The following CYP4A11 variants were observed in gnomAD, a reference collection of about 807,000 sequenced individuals.
CYP4A11 encodes cytochrome P450 4A11.
CYP4A11 carries 52 observed loss-of-function variants against 57.7 expected under a neutral mutation model. The observed-to-expected ratio is 0.90, with a 90% CI of 0.72 to 1.14. The LOEUF (loss-of-function observed/expected upper bound fraction) is 1.14. Among genes scored for constraint, CYP4A11 ranks in the 50% most tolerant of loss-of-function variants. The pLI is 0.00. For missense variants in CYP4A11, 641 were observed against 642.1 expected (o/e 1.00, Z 0.02); for synonymous variants, 228 against 247.1 (o/e 0.92, Z 0.72).
Position 46,936,714 on chromosome 1 carries a change from T to C in CYP4A11, c.460A>G (p.Ile154Val). 1 of 1,613,868 alleles carries C rather than the reference T, an allele frequency of 6.2e-7. No homozygotes were observed. Among genetic ancestry groups the C allele is most frequent in the South Asian group, 1.1e-5 (1 of 91,030 alleles). Residue 154 changes from isoleucine to valine, a missense_variant, in exon 4 of 12, where the codon ATC (isoleucine) becomes GTC (valine). By Grantham distance (29) the Ile-to-Val change is conservative. Coordinates refer to ENST00000310638, the MANE Select transcript of CYP4A11 (RefSeq NM_000778.4). Reference sequence around the variant, plus strand: ...ATGAGCCCCACATAGGGCTTCAGGATGTCATAGTGGAAGGCTGGGGTCAGC... The same window carrying C: ...ATGAGCCCCACATAGGGCTTCAGGACGTCATAGTGGAAGGCTGGGGTCAGC... The part of the protein sequence containing the change: ...RMLTPAFHYD[I>V]LKPYVGLMAD...
intron 6 of CYP4A11, 56 bp from the exon 7 acceptor site, chr1:46,934,615 G>A: frequency 6.5e-7 from 1 of 1,532,738 alleles, no homozygotes; most frequent in Non-Finnish European, 8.9e-7. Flanking sequence ...GCCCCCAGGA[G>A]GCCTAGCTGC....
chr1:46,932,918 T>C, intron 10 of CYP4A11, 65 bp downstream of exon 10: 1 of 1,613,686 alleles, frequency 6.2e-7, no homozygotes, highest in South Asian at 1.1e-5. Context: ...CTCCCAGAGG[T>C]GGAAGCAGGA....
intron 11 of CYP4A11, chr1:46,931,457 A>G: frequency 1.2e-6 from 1 of 818,406 alleles, no homozygotes; most frequent in African/African-American, 1.9e-5. Flanking sequence ...TGTACTTTTT[A>G]TCTCTGTTTT....
chr1:46,939,434 T>C (rs1263749752), intron 1 of CYP4A11, among the ~76,000 whole-genome samples: 4 of 152,148 alleles, frequency 2.6e-5, no homozygotes, highest in Non-Finnish European at 5.9e-5. Context: ...TGATATGGAA[T>C]GAAGGACAAG....
At chr1:46,936,941 G>T (rs1193861442) in intron 3 of CYP4A11, 150 bp from the exon 4 acceptor site, 3 of 1,403,270 alleles carry the variant, frequency 2.1e-6, no homozygotes, top group African/African-American at 2.9e-5. Context: ...CCACGTCATG[G>T]GCAAATGCAG....
At chr1:46,941,186 T>C in intron 1 of CYP4A11, 53 bp downstream of exon 1, 1 of 1,569,176 alleles carries the variant, frequency 6.4e-7, no homozygotes, top group Non-Finnish European at 8.6e-7. Flanking sequence ...GACCAGGGTC[T>C]CAGAGCCCCA....
intron 1 of CYP4A11, among the ~76,000 whole-genome samples, chr1:46,938,599 C>G (rs1475100242): frequency 2.6e-5 from 4 of 152,104 alleles, no homozygotes; most frequent in African/African-American, 4.8e-5. Context: ...GATAAAATAG[C>G]ATTTGGGATG....
chr1:46,930,706 G>A (rs567707563), intron 11 of CYP4A11, among the ~76,000 whole-genome samples: 2 of 152,338 alleles, frequency 1.3e-5, no homozygotes, highest in East Asian at 1.9e-4. Flanking sequence ...CCTGTAGGGT[G>A]AGGGTGGGCC....
Position 46,938,026 on chromosome 1 carries a change from C to T in CYP4A11, c.307G>A (p.Asp103Asn). ...CTCCCCAGAATCACCTTCATATAGT[C>T]AGGGTCATAGAGCTGGACACGAACT... ...GKVRVQLYDP[D>N]YMKVILGRSD... The change falls in exon 2 of 12, where the codon GAC (aspartate) becomes AAC (asparagine). Residue 103 changes from aspartate to asparagine, a missense_variant. Transcript: ENST00000310638. 1 of 1,614,166 alleles carries T rather than the reference C, an allele frequency of 6.2e-7. No individual in the cohort carries two copies. Among genetic ancestry groups the T allele is most frequent in the Non-Finnish European group, 8.5e-7 (1 of 1,180,028 alleles).
intron 1 of CYP4A11, among the ~76,000 whole-genome samples, chr1:46,939,007 TACCTTG>T (rs1271646614): frequency 6.6e-6 from 1 of 152,094 alleles, no homozygotes; most frequent in Non-Finnish European, 1.5e-5. Flanking sequence ...CTCTTTTCTC[TACCTTG>T]AATGCCCTTC....
chr1:46,931,231 C>T (rs9333025), intron 11 of CYP4A11, among the ~76,000 whole-genome samples: 14,606 of 152,222 alleles, frequency 0.096, 797 homozygotes, highest in East Asian at 0.19. Flanking sequence ...AAAGTCAGAT[C>T]CCAGCTGCCT....
chr1:46,930,303 T>A lies in CYP4A11; in HGVS notation c.1372A>T (p.Ile458Phe), dbSNP rs1467990808. 2 of 1,611,788 alleles carry A rather than the reference T, an allele frequency of 1.2e-6. No homozygotes were observed. The highest frequency in any genetic ancestry group is 1.3e-5 in the African/African-American group (1 of 74,856). The stretch of plus-strand genomic sequence containing the variant: ...TCGTTCATGGCAAATTGTTTCCCGA[T>A]GCAGTTCCTGGGCCAGGTGGAGATA... ...LPFSGGSRNC[I>F]GKQFAMNELK... Residue 458 changes from isoleucine (I) to phenylalanine (F), a missense_variant, in exon 12 of 12, where the codon ATC (isoleucine) becomes TTC (phenylalanine). Transcript: ENST00000310638.
chr1:46,929,740 G>A lies in CYP4A11; in HGVS notation c.*375C>T, dbSNP rs539782151. ...AGCCACGAGGGGTTTTATGCCCCGG[G>A]CTTAGATTATGGTGCGTCAGGGTAG... On this transcript the variant is annotated 3_prime_UTR_variant, in exon 12 of 12. Transcript: ENST00000310638. 1 of 140,730 alleles carries A rather than the reference G, an allele frequency of 7.1e-6. No individual in the cohort carries two copies. Among genetic ancestry groups the A allele is most frequent in the Non-Finnish European group, 1.6e-5 (1 of 64,128 alleles). 8.7% of individuals were successfully genotyped at this position (140,730 alleles called of 1,614,324 possible). A position where few individuals can be genotyped will look rare whatever the true frequency, so the allele number is the denominator to read the frequency against.
intron 9 of CYP4A11, among the ~76,000 whole-genome samples, chr1:46,933,398 G>T (rs1681157064): frequency 6.6e-6 from 1 of 152,192 alleles, no homozygotes; most frequent in East Asian, 1.9e-4. Flanking sequence ...ACATTCTTTT[G>T]CTCTCAGTTT....
intron 5 of CYP4A11, 105 bp from the exon 6 acceptor site, chr1:46,935,259 C>A: frequency 7.3e-7 from 1 of 1,378,452 alleles, no homozygotes; most frequent in African/African-American, 1.4e-5. Flanking sequence ...GACAAGCAGC[C>A]TTGAGGCAAT....
In CYP4A11 at chr1:46,934,999, C is replaced by T. The variant is rs748507302; in HGVS notation, c.790+1G>A. 1 of 1,613,588 alleles carries T rather than the reference C, an allele frequency of 6.2e-7. No homozygotes were observed. The highest frequency in any genetic ancestry group is 2.2e-5 in the East Asian group (1 of 44,860). On this transcript the variant is annotated splice_donor_variant, in intron 6 of 11. Transcript: ENST00000310638. LOFTEE classifies it high-confidence loss of function. ...TGGGAGACAAGAGGAAAAGACAGAA[C>T]CTGTGTGCTGATGGGCCAGCTGGCA...
intron 2 of CYP4A11, 100 bp from the exon 3 acceptor site, chr1:46,937,446 C>T: frequency 1.6e-6 from 2 of 1,259,194 alleles, no homozygotes; most frequent in South Asian, 1.3e-5. Flanking sequence ...GGCAGTTTGA[C>T]CCATGTCACC....
At chr1:46,940,952 C>G (rs1416314369) in intron 1 of CYP4A11, 4 of 985,262 alleles carry the variant, frequency 4.1e-6, no homozygotes. Flanking sequence ...GGTAATCAGT[C>G]TGGAGACAAT....
At chr1:46,937,954 G>C in intron 2 of CYP4A11, 42 bp downstream of exon 2, 1 of 1,610,926 alleles carries the variant, frequency 6.2e-7, no homozygotes, top group Non-Finnish European at 8.5e-7. Context: ...CATGTGTCAA[G>C]AGGGAAGACA....
Sources: allele counts gnomAD v4.1 joint callset (sites outside exome capture counted in the v4.1 genomes callset), GRCh38; gene constraint gnomAD v4.1.1; transcripts MANE v1.5; gene names NCBI Gene and HGNC (gene_info 2026-07-23, HGNC 2026-07-21).